IPCEF1: variants seen among roughly 807,000 people sequenced by gnomAD.
IPCEF1 encodes the protein interaction protein for cytohesin exchange factors 1.
IPCEF1 carries 31 observed loss-of-function variants against 50.9 expected under a neutral mutation model. The observed-to-expected ratio is 0.61, with a 90% CI of 0.46 to 0.82. IPCEF1 has a LOEUF of 0.82. IPCEF1 is among the 40% of genes least tolerant of loss of function. The probability of loss-of-function intolerance (pLI) is 0.00; values close to 1 mark genes in which losing one functional copy is unlikely to be tolerated. For synonymous variants in IPCEF1, 181 were observed against 192.0 expected (o/e 0.94, Z 0.47); for missense variants, 458 against 514.0 (o/e 0.89, Z 1.05).
intron 5 of IPCEF1, among the ~76,000 whole-genome samples, chr6:154,240,533 A>AG (rs1780496369): frequency 6.6e-6 from 1 of 151,820 alleles, no homozygotes; most frequent in Admixed American, 6.6e-5. Flanking sequence ...AAAAAAAAAA[A>AG]GGTACTCTAT....
intron 4 of IPCEF1, 173 bp downstream of exon 4, chr6:154,247,276 A>G (rs1653917635): frequency 3.5e-6 from 2 of 578,906 alleles, no homozygotes; most frequent in African/African-American, 1.9e-5. Context: ...AATGAACAAC[A>G]TGTCGTCATT....
chr6:154,353,302 T>TC (rs1184931452), intron 1 of IPCEF1, among the ~76,000 whole-genome samples: 1 of 148,966 alleles, frequency 6.7e-6, no homozygotes, highest in East Asian at 1.9e-4. Context: ...CCTTTTTTTT[T>TC]TTTTTTTTTT....
intron 5 of IPCEF1, among the ~76,000 whole-genome samples, chr6:154,245,947 G>A (rs764240039): frequency 6.6e-6 from 1 of 152,122 alleles, no homozygotes. Flanking sequence ...ACAGTATACC[G>A]ACTTTTTAAG....
intron 10 of IPCEF1, among the ~76,000 whole-genome samples, chr6:154,179,803 C>G (rs1381989342): frequency 6.6e-6 from 1 of 152,210 alleles, no homozygotes; most frequent in Non-Finnish European, 1.5e-5. Flanking sequence ...TTCACTTTCA[C>G]ACCGTGCAGA....
At chr6:154,180,386 C>CTATATATATA (rs58975780) in intron 10 of IPCEF1, among the ~76,000 whole-genome samples, 8 of 88,320 alleles carry the variant, frequency 9.1e-5, no homozygotes, top group African/African-American at 2.0e-4. Context: ...ACAACAACAA[C>CTATATATATA]TATATATATA....
At chr6:154,326,683 T>C (rs574149219) in intron 1 of IPCEF1, among the ~76,000 whole-genome samples, 4 of 152,270 alleles carry the variant, frequency 2.6e-5, no homozygotes, top group East Asian at 3.9e-4. Flanking sequence ...TAAACTACCA[T>C]TGACATTCTT....
chr6:154,187,915 C>T (rs1175221844), intron 10 of IPCEF1, among the ~76,000 whole-genome samples: 1 of 152,120 alleles, frequency 6.6e-6, no homozygotes, highest in Non-Finnish European at 1.5e-5. Flanking sequence ...TACCTACTTC[C>T]AACTTGGTGG....
At chr6:154,296,768 G>T (rs1219601357) in intron 1 of IPCEF1, among the ~76,000 whole-genome samples, 1 of 150,710 alleles carries the variant, frequency 6.6e-6, no homozygotes, top group East Asian at 2.0e-4. Flanking sequence ...GGCGGAGTTT[G>T]CAGTGAGCGG....
At chr6:154,265,891 G>A (rs753172147) in intron 3 of IPCEF1, 21 bp downstream of exon 3, 7 of 1,552,150 alleles carry the variant, frequency 4.5e-6, no homozygotes, top group South Asian at 1.2e-5. Context: ...TAAAGCCTGG[G>A]GTATTCCAAA....
chr6:154,336,325 T>C (rs753091402), intron 1 of IPCEF1, among the ~76,000 whole-genome samples: 10 of 152,220 alleles, frequency 6.6e-5, no homozygotes, highest in Non-Finnish European at 1.3e-4. Context: ...CACAATGGAA[T>C]ATCATTTGGC....
chr6:154,283,364 AG>A (rs1782275674), intron 2 of IPCEF1, among the ~76,000 whole-genome samples: 1 of 150,230 alleles, frequency 6.7e-6, no homozygotes, highest in Non-Finnish European at 1.5e-5. Flanking sequence ...TGGGAGGCCG[AG>A]GCGGGTAGAT....
intron 1 of IPCEF1, among the ~76,000 whole-genome samples, chr6:154,319,894 T>C (rs1280384702): frequency 6.6e-6 from 1 of 152,216 alleles, no homozygotes. Context: ...TAATCATCGC[T>C]GTATCCCCAA....
chr6:154,162,279 T>C (rs1342793009), intron 11 of IPCEF1, among the ~76,000 whole-genome samples: 2 of 152,206 alleles, frequency 1.3e-5, no homozygotes, highest in East Asian at 3.9e-4. Context: ...TTTGCTGTTA[T>C]TTCTTGCATG....
chr6:154,238,930 T>A (rs570608101), intron 5 of IPCEF1, among the ~76,000 whole-genome samples: 2,112 of 147,422 alleles, frequency 0.014, 46 homozygotes, highest in African/African-American at 0.044. Flanking sequence ...TTGTTTTTTT[T>A]AAAAAAAAAA....
intron 11 of IPCEF1, among the ~76,000 whole-genome samples, chr6:154,165,561 C>T (rs1799357113): frequency 3.9e-5 from 6 of 152,156 alleles, no homozygotes; most frequent in Admixed American, 3.3e-4. Flanking sequence ...CCAAGCACTG[C>T]ACGAGGGATC....
At chr6:154,339,466 C>A (rs1467728440) in intron 1 of IPCEF1, among the ~76,000 whole-genome samples, 1 of 148,376 alleles carries the variant, frequency 6.7e-6, no homozygotes, top group East Asian at 2.0e-4. Flanking sequence ...TTAGAGATAG[C>A]GTCTTGCTAT....
At chr6:154,318,854 T>A (rs1349942804) in intron 1 of IPCEF1, among the ~76,000 whole-genome samples, 1 of 152,204 alleles carries the variant, frequency 6.6e-6, no homozygotes, top group Non-Finnish European at 1.5e-5. Context: ...TCAGAAGATA[T>A]GATCTGTTTC....
chr6:154,220,963 C>T (rs1490910461), intron 7 of IPCEF1, among the ~76,000 whole-genome samples: 2 of 152,226 alleles, frequency 1.3e-5, no homozygotes, highest in African/African-American at 4.8e-5. Flanking sequence ...TTTCAAGCCT[C>T]TCTCCTTGTG....
intron 5 of IPCEF1, among the ~76,000 whole-genome samples, chr6:154,239,293 G>A (rs1780387815): frequency 6.6e-6 from 1 of 152,116 alleles, no homozygotes; most frequent in African/African-American, 2.4e-5. Context: ...ATAAAGCTAT[G>A]ACAGGGGAAC....
Sources: allele counts gnomAD v4.1 joint callset (sites outside exome capture counted in the v4.1 genomes callset), GRCh38; gene constraint gnomAD v4.1.1; transcripts MANE v1.5; gene names NCBI Gene and HGNC (gene_info 2026-07-23, HGNC 2026-07-21).